Variants in GMPR observed in about 807,000 individuals in gnomAD.
The protein encoded by GMPR is GMP reductase 1.
Under a neutral mutation model 38.4 loss-of-function variants are expected in GMPR, and 31 were observed. The ratio of observed to expected loss-of-function variants is 0.81; its 90% CI spans 0.61 to 1.09. The LOEUF (loss-of-function observed/expected upper bound fraction) is 1.09, where lower values mean the gene tolerates loss of function less well. Among genes scored for constraint, GMPR ranks in the 50% least tolerant of loss-of-function variants. The pLI is 0.00. For missense variants in GMPR, 468 were observed against 453.7 expected (o/e 1.03, Z -0.29); for synonymous variants, 162 against 173.3 (o/e 0.93, Z 0.51).
At chr6:16,291,840 G>A (rs1038862070) in intron 8 of GMPR, among the ~76,000 whole-genome samples, 5 of 151,672 alleles carry the variant, frequency 3.3e-5, no homozygotes, top group Non-Finnish European at 2.9e-5. Flanking sequence ...AAGCCCAGGA[G>A]TTGGAGGCTG....
chr6:16,266,093 GAGCTGTAACACTTGCCATCTTTA>G, intron 4 of GMPR, among the ~76,000 whole-genome samples: 2 of 73,690 alleles, frequency 2.7e-5, no homozygotes, highest in Non-Finnish European at 6.4e-5. Context: ...CTACCTTTAA[GAGCTGTAACACTTGCCATCTTTA>G]AGAGCTGTAA....
chr6:16,250,079 A>T (rs1412636121), intron 2 of GMPR, among the ~76,000 whole-genome samples: 2 of 152,330 alleles, frequency 1.3e-5, no homozygotes, highest in Middle Eastern at 3.4e-3. Context: ...TTGTCTAACC[A>T]GATTAGAATG....
chr6:16,245,269 G>A (rs1310288290), intron 1 of GMPR, among the ~76,000 whole-genome samples: 1 of 152,218 alleles, frequency 6.6e-6, no homozygotes, highest in Admixed American at 6.5e-5. Context: ...ACTGATGGCT[G>A]TGTGAGGCCT....
At chr6:16,288,637 T>G (rs1759750018) in intron 7 of GMPR, among the ~76,000 whole-genome samples, 1 of 152,062 alleles carries the variant, frequency 6.6e-6, no homozygotes, top group East Asian at 1.9e-4. Flanking sequence ...GGCTGAGGAG[T>G]GCAGGCGCAG....
At chr6:16,249,361 G>A (rs1758822488) in intron 2 of GMPR, among the ~76,000 whole-genome samples, 1 of 151,776 alleles carries the variant, frequency 6.6e-6, no homozygotes, top group African/African-American at 2.4e-5. Flanking sequence ...GTAGAGATGG[G>A]GTTTCACTAT....
intron 7 of GMPR, among the ~76,000 whole-genome samples, chr6:16,289,740 C>CA (rs1168664460): frequency 2.0e-5 from 3 of 150,668 alleles, no homozygotes; most frequent in Non-Finnish European, 2.9e-5. Context: ...CAGGGAGTGT[C>CA]AGAGTGTGGA....
intron 7 of GMPR, chr6:16,289,448 G>A (rs930539305): frequency 2.0e-5 from 3 of 152,280 alleles, no homozygotes; most frequent in Non-Finnish European, 4.4e-5. Flanking sequence ...CGTCTATCAT[G>A]TGCTGTGCAC....
At chr6:16,239,431 G>A (rs1252049356) in intron 1 of GMPR, among the ~76,000 whole-genome samples, 1 of 152,198 alleles carries the variant, frequency 6.6e-6, no homozygotes, top group Non-Finnish European at 1.5e-5. Flanking sequence ...GCATTTCCCT[G>A]GTTCTGCCTG....
rs988635357 is a variant in GMPR, at chr6:16,295,203, G to A, written c.*17G>A. On this transcript the variant is annotated 3_prime_UTR_variant, in exon 9 of 9. Transcript: ENST00000259727. ...TTCAGCTAACCCTGGGGACAAAGCA[G>A]CGTCTGGCTCGAGTGGAAGCGTCCA... 6.7e-7 allele frequency: 1 copy of A among 1,487,858 alleles called. No individual in the cohort carries two copies. Among genetic ancestry groups the A allele is most frequent in the African/African-American group, 1.5e-5 (1 of 68,720 alleles). The allele number at this position is 1,487,858 out of a possible 1,614,324, so 92.2% of individuals were successfully genotyped here.
intron 8 of GMPR, among the ~76,000 whole-genome samples, chr6:16,292,154 C>G (rs1759851207): frequency 6.6e-6 from 1 of 152,142 alleles, no homozygotes; most frequent in South Asian, 2.1e-4. Context: ...AACCTAAGCC[C>G]TCCCTGACTG....
At chr6:16,288,628 G>A (rs1038249384) in intron 7 of GMPR, among the ~76,000 whole-genome samples, 1 of 152,258 alleles carries the variant, frequency 6.6e-6, no homozygotes, top group Non-Finnish European at 1.5e-5. Context: ...CCATGCAAGG[G>A]CTGAGGAGTG....
At chr6:16,289,221 C>A (rs77530971) in intron 7 of GMPR, among the ~76,000 whole-genome samples, 6 of 152,200 alleles carry the variant, frequency 3.9e-5, no homozygotes, top group African/African-American at 1.4e-4. Flanking sequence ...GAAAAAGCCT[C>A]AGCCGCGCCA....
rs1404307996 is a variant in GMPR, at chr6:16,295,362, G to A, written c.*176G>A. ...CGGGGCTCTCCCGCCTGCCTTCTCG[G>A]GGCCCAGACGCAAGGCACCGATTGG... On this transcript the variant is annotated 3_prime_UTR_variant, in exon 9 of 9. Transcript: ENST00000259727. 3 of 477,254 alleles carry A rather than the reference G, an allele frequency of 6.3e-6. No homozygotes were observed. The highest frequency in any genetic ancestry group is 2.0e-5 in the African/African-American group (1 of 49,178). 29.6% of individuals were successfully genotyped at this position (477,254 alleles called of 1,614,324 possible). A position where few individuals can be genotyped will look rare whatever the true frequency, so the allele number is the denominator to read the frequency against.
chr6:16,264,017 C>G, intron 4 of GMPR, among the ~76,000 whole-genome samples: 1 of 151,934 alleles, frequency 6.6e-6, no homozygotes, highest in Admixed American at 6.6e-5. Context: ...CTTGCCCCTT[C>G]CCCAGAAAAG....
chr6:16,288,301 CA>C (rs1250497270), intron 7 of GMPR, among the ~76,000 whole-genome samples: 1 of 152,256 alleles, frequency 6.6e-6, no homozygotes, highest in Non-Finnish European at 1.5e-5. Flanking sequence ...GCTTGCGGGC[CA>C]GCTGGAGTTC....
intron 7 of GMPR, chr6:16,289,509 A>G (rs1031701609): frequency 6.6e-6 from 1 of 152,258 alleles, no homozygotes; most frequent in Non-Finnish European, 1.5e-5. Context: ...TAGCCCACAA[A>G]GACAGGCAGC....
At chr6:16,288,912 C>T (rs1011911725) in intron 7 of GMPR, among the ~76,000 whole-genome samples, 3 of 152,216 alleles carry the variant, frequency 2.0e-5, no homozygotes, top group South Asian at 2.1e-4. Flanking sequence ...ACCTTTGTGT[C>T]TAGCTCAGGG....
chr6:16,269,050 C>G (rs1264893088), intron 4 of GMPR, among the ~76,000 whole-genome samples: 1 of 150,954 alleles, frequency 6.6e-6, no homozygotes, highest in African/African-American at 2.4e-5. Context: ...AAAATTTACA[C>G]CTAGTAAATT....
intron 4 of GMPR, among the ~76,000 whole-genome samples, chr6:16,274,022 G>A (rs995810199): frequency 6.6e-6 from 1 of 151,950 alleles, no homozygotes; most frequent in Non-Finnish European, 1.5e-5. Flanking sequence ...CACCATGTTG[G>A]CCAGGATGGT....
Sources: gnomAD v4.1 joint callset for allele counts (sites outside exome capture counted in the v4.1 genomes callset) on GRCh38, gnomAD v4.1.1 for gene constraint, MANE v1.5 for transcripts, NCBI Gene and HGNC (gene_info 2026-07-23, HGNC 2026-07-21) for gene names.